FAM81B: variants seen among roughly 807,000 people sequenced by gnomAD.
The protein encoded by FAM81B is protein FAM81B.
Under a neutral mutation model 58.7 loss-of-function variants are expected in FAM81B, and 60 were observed. That is an observed-to-expected ratio of 1.02 (90% CI 0.83 to 1.27). FAM81B has a LOEUF of 1.27. Among genes scored for constraint, FAM81B ranks in the 50% most tolerant of loss-of-function variants. The pLI, the probability that FAM81B is intolerant of heterozygous loss-of-function variation, is 0.00. For synonymous variants in FAM81B, 189 were observed against 179.6 expected (o/e 1.05, Z -0.42); for missense variants, 491 against 522.0 (o/e 0.94, Z 0.58).
rs200218795 is a variant in FAM81B, at chr5:95,448,374, C to T, written c.1135C>T (p.His379Tyr). 479 of 1,612,790 alleles carry T rather than the reference C, an allele frequency of 3.0e-4. No homozygotes were observed. Among genetic ancestry groups the T allele is most frequent in the Non-Finnish European group, 3.8e-4 (454 of 1,179,612 alleles). ...GGAAACACAACTAAGTAAAGTAAAG[C>T]ATATGGAAAATAAATTGTCCAAAAA... ...KQETQLSKVKHMENKLSKKME... is the reference protein window; with the variant it reads ...KQETQLSKVKYMENKLSKKME... Residue 379 changes from histidine to tyrosine, a missense_variant, in exon 9 of 10, where the codon CAT becomes TAT. By Grantham distance (83) the His-to-Tyr change is moderately conservative (BLOSUM62 2). Coordinates refer to ENST00000283357, the MANE Select transcript of FAM81B (RefSeq NM_152548.3).
rs572863145 is a variant in FAM81B at position 95,399,787 on chromosome 5, A to C, written c.293+3612A>C. On this transcript the variant is annotated intron_variant, in intron 3 of 9. Transcript: ENST00000283357. ...AGGAGAGATGGGAGCCAGGCAGGAA[A>C]GGTGACTTGGTGAAAAATTACATGA... 5.3e-5 allele frequency among the ~76,000 whole-genome samples: 8 copies of C among 152,320 alleles called. No individual in the cohort carries two copies. The South Asian group carries it at 1.7e-3, about 32-fold the overall frequency.
At chr5:95,443,389 G>C (rs1453599480) in intron 7 of FAM81B, among the ~76,000 whole-genome samples, 1 of 152,026 alleles carries the variant, frequency 6.6e-6, no homozygotes, top group Admixed American at 6.5e-5. Context: ...TCCTAGTGAG[G>C]TCTCTAGCTA....
rs534306513 is a variant in FAM81B, at chr5:95,436,445, C to T, written c.787-355C>T. On this transcript the variant is annotated intron_variant, in intron 6 of 9. Coordinates refer to ENST00000283357, the MANE Select transcript of FAM81B (RefSeq NM_152548.3). ...TAGCATACCATATCTTGTATTGTAACGGGAGACAATAGAGAAGTAGAAATA... is the reference window on the plus strand; with the variant it reads ...TAGCATACCATATCTTGTATTGTAATGGGAGACAATAGAGAAGTAGAAATA... 2.5e-4 allele frequency among the ~76,000 whole-genome samples: 38 copies of T among 152,122 alleles called. No homozygotes were observed. The East Asian group carries it at 6.0e-3, about 24-fold the overall frequency.
chr5:95,447,682 G>A (rs772049897), intron 8 of FAM81B, among the ~76,000 whole-genome samples: 1 of 152,210 alleles, frequency 6.6e-6, no homozygotes, highest in Non-Finnish European at 1.5e-5. Context: ...TACCTGCCAT[G>A]CCCAGTTCCT....
At chr5:95,430,401 T>C (rs969378722) in intron 6 of FAM81B, among the ~76,000 whole-genome samples, 1 of 149,634 alleles carries the variant, frequency 6.7e-6, no homozygotes, top group Non-Finnish European at 1.5e-5. Flanking sequence ...ATATAGTATA[T>C]GTAAATAAAT....
chr5:95,424,321 T>C lies in FAM81B; in HGVS notation c.656+3919T>C, dbSNP rs969413462. On this transcript the variant is annotated intron_variant, in intron 5 of 9. Coordinates refer to ENST00000283357, the MANE Select transcript of FAM81B (RefSeq NM_152548.3). ...GATAGACAGACAGACAGATAATAGATACATAAAACATAAGCAAAAGACTAG... is the reference window on the plus strand; with the variant it reads ...GATAGACAGACAGACAGATAATAGACACATAAAACATAAGCAAAAGACTAG... 1.2e-5 allele frequency: 12 copies of C among 971,840 alleles called. No homozygotes were observed. In the African/African-American group the frequency reaches 1.5e-4, roughly 12 times the overall value. The allele number at this position is 971,840 out of a possible 1,614,324, so 60.2% of individuals were successfully genotyped here.
chr5:95,410,116 A>T (rs1762367853), intron 3 of FAM81B, among the ~76,000 whole-genome samples: 1 of 152,216 alleles, frequency 6.6e-6, no homozygotes, highest in African/African-American at 2.4e-5. Context: ...ATCTCGATTT[A>T]AAAAAGGACG....
intron 4 of FAM81B, among the ~76,000 whole-genome samples, chr5:95,417,172 T>C (rs1762559559): frequency 6.6e-6 from 1 of 152,264 alleles, no homozygotes; most frequent in African/African-American, 2.4e-5. Context: ...TTGATACATG[T>C]TGCCAAATTG....
chr5:95,446,687 A>G lies in FAM81B; in HGVS notation c.1019A>G (p.Gln340Arg). ...ATAAATGAATGTCTGAAGGTCCTAC[A>G]GGAGAAACTGGTGAGGAGTTCTGTT... is the stretch of plus-strand genomic sequence containing the variant. The part of the protein sequence containing the change: ...GHINECLKVL[Q>R]EKLEKSENKM... The change falls in exon 8 of 10, where the codon CAG (glutamine) becomes CGG (arginine). Residue 340 changes from glutamine (Q) to arginine (R), a missense_variant. Transcript: ENST00000283357. 6.2e-7 allele frequency: 1 copy of G among 1,611,344 alleles called. No homozygotes were observed. The highest frequency in any genetic ancestry group is 8.5e-7 in the Non-Finnish European group (1 of 1,179,366).
chr5:95,400,765 G>T (rs1762091101), intron 3 of FAM81B, among the ~76,000 whole-genome samples: 1 of 151,830 alleles, frequency 6.6e-6, no homozygotes, highest in Admixed American at 6.6e-5. Flanking sequence ...CAGGTGGGAG[G>T]GTCAGGAGTC....
At chr5:95,449,929 T>C (rs535823906) in intron 9 of FAM81B, among the ~76,000 whole-genome samples, 5 of 152,326 alleles carry the variant, frequency 3.3e-5, no homozygotes, top group African/African-American at 1.2e-4. Context: ...AATTTCACAA[T>C]GAAACCAGAT....
intron 7 of FAM81B, among the ~76,000 whole-genome samples, chr5:95,443,112 T>G (rs1473257220): frequency 6.6e-6 from 1 of 152,142 alleles, no homozygotes. Context: ...GGGACATAAG[T>G]GTAGTGGCAA....
intron 5 of FAM81B, among the ~76,000 whole-genome samples, chr5:95,421,698 C>G (rs1762690184): frequency 6.6e-6 from 1 of 152,066 alleles, no homozygotes; most frequent in Non-Finnish European, 1.5e-5. Flanking sequence ...TTGTGGAGAT[C>G]AGAGGAAGGC....
chr5:95,429,405 T>A (rs774152390), intron 6 of FAM81B, among the ~76,000 whole-genome samples: 1 of 152,204 alleles, frequency 6.6e-6, no homozygotes, highest in Non-Finnish European at 1.5e-5. Flanking sequence ...TGTCACATCT[T>A]ATGCAAAACA....
intron 7 of FAM81B, among the ~76,000 whole-genome samples, chr5:95,444,081 C>T (rs1480968414): frequency 1.3e-5 from 2 of 152,054 alleles, no homozygotes; most frequent in East Asian, 1.9e-4. Context: ...CCACCAGAGA[C>T]AGGGAAAGGA....
intron 3 of FAM81B, chr5:95,410,605 T>A (rs1167483323): frequency 6.6e-6 from 1 of 152,208 alleles, no homozygotes; most frequent in Non-Finnish European, 1.5e-5. Flanking sequence ...TATATAATAG[T>A]CATTTTTAAA....
chr5:95,421,490 G>A (rs1762682968), intron 5 of FAM81B, among the ~76,000 whole-genome samples: 1 of 152,190 alleles, frequency 6.6e-6, no homozygotes, highest in East Asian at 1.9e-4. Context: ...TTTGGAGAAG[G>A]CATTTTGAGA....
At chr5:95,415,402 T>G (rs986044320) in intron 4 of FAM81B, among the ~76,000 whole-genome samples, 1 of 152,224 alleles carries the variant, frequency 6.6e-6, no homozygotes, top group Non-Finnish European at 1.5e-5. Context: ...GGATATTGAT[T>G]AATTCATTTT....
chr5:95,402,529 A>G (rs1197723099), intron 3 of FAM81B, among the ~76,000 whole-genome samples: 4 of 152,246 alleles, frequency 2.6e-5, no homozygotes. Flanking sequence ...AGGAGAAGAA[A>G]TAACTACAGT....
Sources: gnomAD v4.1 joint callset for allele counts (sites outside exome capture counted in the v4.1 genomes callset) on GRCh38, gnomAD v4.1.1 for gene constraint, MANE v1.5 for transcripts, NCBI Gene and HGNC (gene_info 2026-07-23, HGNC 2026-07-21) for gene names.